Variants in TASP1 observed in about 807,000 individuals in gnomAD.
The protein encoded by TASP1 is threonine aspartase 1.
A neutral mutation model predicts 56.6 loss-of-function variants in TASP1; 16 were observed. That is an observed-to-expected ratio of 0.28 (90% confidence interval 0.19 to 0.43). The LOEUF (loss-of-function observed/expected upper bound fraction) is 0.43, where lower values mean the gene tolerates loss of function less well. TASP1 is among the 20% of genes least tolerant of loss of function. TASP1 has a pLI of 1.00. For synonymous variants in TASP1, 179 were observed against 184.2 expected (o/e 0.97, Z 0.23); for missense variants, 393 against 511.6 (o/e 0.77, Z 2.24).
chr20:13,435,032 T>C lies in TASP1; in HGVS notation c.1096+12A>G, dbSNP rs200384283. 1.9e-6 allele frequency: 3 copies of C among 1,579,842 alleles called. 1 individual carries two copies. The African/African-American group carries it at 4.0e-5, about 21-fold the overall frequency. Reference sequence around the variant, plus strand: ...AATAGAAAGACACACACAATGTATATGTCTCACTTACCTAGAAGTGTCTGC... The same window carrying C: ...AATAGAAAGACACACACAATGTATACGTCTCACTTACCTAGAAGTGTCTGC... On this transcript the variant is annotated intron_variant, in intron 12 of 13. Coordinates refer to ENST00000337743, the MANE Select transcript of TASP1 (RefSeq NM_017714.3).
the TASP1 span, among the ~76,000 whole-genome samples, chr20:13,264,649 A>C: frequency 1.3e-5 from 2 of 152,134 alleles, no homozygotes; most frequent in Non-Finnish European, 2.9e-5. Context: ...ATGGCCATCC[A>C]CCTTGGTCAC....
At chr20:13,608,021 GA>G (rs1247926165) in intron 4 of TASP1, among the ~76,000 whole-genome samples, 2 of 152,160 alleles carry the variant, frequency 1.3e-5, no homozygotes, top group Non-Finnish European at 2.9e-5. Context: ...TTGATAAGCA[GA>G]TACCTTTAAC....
At chr20:13,567,639 G>C (rs190367970) in intron 7 of TASP1, among the ~76,000 whole-genome samples, 12 of 151,834 alleles carry the variant, frequency 7.9e-5, no homozygotes, top group Admixed American at 5.2e-4. Context: ...CTTCCAAAGA[G>C]AAAAAAATAC....
intron 13 of TASP1, among the ~76,000 whole-genome samples, chr20:13,409,189 C>T (rs6079049): frequency 0.65 from 99,288 of 151,776 alleles, 32,692 homozygotes; most frequent in Non-Finnish European, 0.68. Context: ...TTGGTAAATA[C>T]TCCTTATGAA....
At position 13,435,125 on chromosome 20, in the gene TASP1, C is replaced by A. The variant is rs749925651; in HGVS notation, c.1015G>T (p.Val339Leu). 1 of 1,608,260 alleles carries A rather than the reference C, an allele frequency of 6.2e-7. No individual in the cohort carries two copies. The change falls in exon 12 of 14, where the codon GTG (valine) becomes TTG (leucine). Residue 339 changes from valine (V) to leucine (L), a missense_variant. Val to Leu is a conservative substitution (Grantham distance 32). This residue lies in a region of TASP1 where 293 missense variants were observed against 354.2 expected (regional missense o/e 0.83). Coordinates refer to ENST00000337743, the MANE Select transcript of TASP1 (RefSeq NM_017714.3). ...CGGAGGACAATCACTCCGCCAAGCA[C>A]GCCATCTTCACTGGCAAGGAAAGGT... ...SSPFLASEDG[V>L]LGGVIVLRSC...
intron 4 of TASP1, among the ~76,000 whole-genome samples, chr20:13,590,273 C>T (rs2047473532): frequency 6.6e-6 from 1 of 152,012 alleles, no homozygotes; most frequent in Non-Finnish European, 1.5e-5. Flanking sequence ...CTTTTGTCAT[C>T]AGGAAAAGGC....
At chr20:13,369,798 T>A in the TASP1 span, among the ~76,000 whole-genome samples, 1 of 152,218 alleles carries the variant, frequency 6.6e-6, no homozygotes, top group African/African-American at 2.4e-5. Context: ...ACTAATGAAA[T>A]ATTGTTTCCA....
At chr20:13,292,504 G>A in the TASP1 span, 32 of 1,256,990 alleles carry the variant, frequency 2.5e-5, 1 homozygote, top group Admixed American at 6.6e-4. Flanking sequence ...TTGACTTAGT[G>A]CCTCGGAGAT....
At chr20:13,280,174 C>T in the TASP1 span, among the ~76,000 whole-genome samples, 5 of 152,194 alleles carry the variant, frequency 3.3e-5, no homozygotes, top group South Asian at 4.2e-4. Flanking sequence ...CTGCCTCCCC[C>T]GCCCCTCAAA....
chr20:13,443,397 A>C (rs752785817), intron 11 of TASP1, among the ~76,000 whole-genome samples: 1 of 152,260 alleles, frequency 6.6e-6, no homozygotes, highest in Admixed American at 6.5e-5. Flanking sequence ...GACAAAAATT[A>C]ATAAATTAAG....
At chr20:13,601,507 A>T (rs1451931430) in intron 4 of TASP1, among the ~76,000 whole-genome samples, 4 of 152,210 alleles carry the variant, frequency 2.6e-5, no homozygotes, top group Admixed American at 2.6e-4. Flanking sequence ...GTCCATACTG[A>T]TATAAATTCA....
At chr20:13,497,238 G>A (rs952272995) in intron 10 of TASP1, among the ~76,000 whole-genome samples, 1 of 152,198 alleles carries the variant, frequency 6.6e-6, no homozygotes, top group Admixed American at 6.5e-5. Flanking sequence ...GAGAGCTGAA[G>A]GAGAAGAGCC....
chr20:13,298,910 C>T, the TASP1 span: 105 of 1,604,900 alleles, frequency 6.5e-5, 1 homozygote, highest in South Asian at 1.0e-3. Context: ...GTTGTACACG[C>T]GGTGAGAGGG....
the TASP1 span, among the ~76,000 whole-genome samples, chr20:13,204,725 C>A: frequency 0.12 from 18,327 of 151,962 alleles, 1,417 homozygotes; most frequent in East Asian, 0.29. Flanking sequence ...CCATTTGAAC[C>A]CACTTTGGAT....
At chr20:13,472,886 G>A (rs1186045795) in intron 11 of TASP1, among the ~76,000 whole-genome samples, 2 of 151,864 alleles carry the variant, frequency 1.3e-5, no homozygotes, top group Non-Finnish European at 2.9e-5. Flanking sequence ...CACTGTTGGT[G>A]GGAGTGTAAA....
chr20:13,462,356 T>C (rs1424719387), intron 11 of TASP1, among the ~76,000 whole-genome samples: 1 of 152,152 alleles, frequency 6.6e-6, no homozygotes, highest in Admixed American at 6.6e-5. Context: ...TTAATTTAAA[T>C]TTAAATAGCC....
chr20:13,231,715 AT>A, the TASP1 span, among the ~76,000 whole-genome samples: 1 of 152,206 alleles, frequency 6.6e-6, no homozygotes, highest in East Asian at 1.9e-4. Flanking sequence ...ACACACATCC[AT>A]TAGACAGCAA....
the TASP1 span, chr20:13,153,867 C>A: frequency 8.6e-7 from 1 of 1,165,156 alleles, no homozygotes; most frequent in Non-Finnish European, 1.2e-6. Context: ...CAGGAGATAT[C>A]TCCCTTCCCT....
chr20:13,571,424 G>A (rs964451250), intron 6 of TASP1, among the ~76,000 whole-genome samples: 6 of 152,136 alleles, frequency 3.9e-5, no homozygotes, highest in African/African-American at 1.2e-4. Context: ...CTGATTCTCC[G>A]AGGAGGAAAC....
Sources: allele counts gnomAD v4.1 joint callset (sites outside exome capture counted in the v4.1 genomes callset), GRCh38; gene constraint gnomAD v4.1.1; regional missense constraint gnomAD v4.1.1; transcripts MANE v1.5; gene names NCBI Gene and HGNC (gene_info 2026-07-23, HGNC 2026-07-21).